The following CCDC90B variants were observed in gnomAD, a reference collection of about 807,000 sequenced individuals.
CCDC90B encodes the protein coiled-coil domain-containing protein 90B, mitochondrial.
In CCDC90B, 24 loss-of-function variants were observed where a neutral mutation model predicts 37.0. That is an observed-to-expected ratio of 0.65 (90% CI 0.47 to 0.91). CCDC90B has a LOEUF of 0.91. Among genes scored for constraint, CCDC90B ranks in the 40% least tolerant of loss-of-function variants. The pLI is 0.00. For missense variants in CCDC90B, 319 were observed against 299.0 expected, an observed-to-expected ratio of 1.07 and a Z score of -0.49; for synonymous variants, 113 against 101.1, an observed-to-expected ratio of 1.12 and a Z score of -0.71.
At chr11:83,279,675 C>A (rs1020949422) in intron 2 of CCDC90B, among the ~76,000 whole-genome samples, 1 of 152,062 alleles carries the variant, frequency 6.6e-6, no homozygotes, top group Non-Finnish European at 1.5e-5. Context: ...ATTAAATAGT[C>A]CTTCCTTTCC....
chr11:83,283,817 C>A (rs772280902), intron 1 of CCDC90B, among the ~76,000 whole-genome samples: 3 of 152,108 alleles, frequency 2.0e-5, no homozygotes, highest in Non-Finnish European at 2.9e-5. Flanking sequence ...CAAAAACTAG[C>A]TGGGCATGGT....
At position 83,265,905 on chromosome 11, in the gene CCDC90B, C is replaced by T. The variant is rs142252524; in HGVS notation, c.669G>A (p.Leu223=). 6.2e-7 allele frequency: 1 copy of T among 1,611,422 alleles called. No homozygotes were observed. Residue 223 remains leucine, a synonymous_variant, in exon 8 of 9, where the codon CTG becomes CTA. Transcript: ENST00000529689. ...IDAEIASLKT[L]MESNKLETIR... is the part of the protein sequence containing the mutation. ...TTGTCTCAAGTTTGTTAGATTCCAT[C>T]AGTGTTTTTAAGGAAGCAATTTCAG...
At chr11:83,271,936 T>C (rs1864700591) in intron 7 of CCDC90B, among the ~76,000 whole-genome samples, 2 of 152,118 alleles carry the variant, frequency 1.3e-5, no homozygotes, top group African/African-American at 2.4e-5. Context: ...TATGCAGCCA[T>C]AAAAAAGGAT....
chr11:83,271,283 TTAAAC>T (rs1864643647), intron 7 of CCDC90B, among the ~76,000 whole-genome samples: 1 of 152,142 alleles, frequency 6.6e-6, no homozygotes, highest in Non-Finnish European at 1.5e-5. Flanking sequence ...TGAGATCTAA[TTAAAC>T]TAAAGAGCTT....
At chr11:83,285,506 T>G (rs181892835) in intron 1 of CCDC90B, 1 of 1,127,732 alleles carries the variant, frequency 8.9e-7, no homozygotes, top group Non-Finnish European at 1.1e-6. Context: ...AAATCAAAAT[T>G]TGATCAGGCC....
chr11:83,277,756 A>T (rs1183267151), intron 3 of CCDC90B, among the ~76,000 whole-genome samples: 2 of 152,098 alleles, frequency 1.3e-5, no homozygotes, highest in Non-Finnish European at 2.9e-5. Flanking sequence ...TCAGCCTCCC[A>T]AAGTAATGGG....
Position 83,273,665 on chromosome 11 carries a change from A to G in CCDC90B, c.576T>C (p.Thr192=). 1 of 1,602,882 alleles carries G rather than the reference A, an allele frequency of 6.2e-7. No homozygotes were observed. Among genetic ancestry groups the G allele is most frequent in the Non-Finnish European group, 8.5e-7 (1 of 1,175,644 alleles). The change falls in exon 7 of 9, where the codon ACT becomes ACC. Residue 192 remains threonine, a synonymous_variant. Coordinates refer to ENST00000529689, the MANE Select transcript of CCDC90B (RefSeq NM_021825.5). ...ACTTTACCTTTTTTGTAAATTCTGT[A>G]GTTGTTTCCATAAGTTGCTTTTCTT... ...TDQEKQLMET[T]TEFTKKDTQT... is the part of the protein sequence containing the mutation.
At chr11:83,267,637 G>A (rs925639317) in intron 7 of CCDC90B, among the ~76,000 whole-genome samples, 1 of 152,210 alleles carries the variant, frequency 6.6e-6, no homozygotes, top group African/African-American at 2.4e-5. Context: ...ATCTACGTTT[G>A]ATTGGTGTAC....
Position 83,286,033 on chromosome 11 carries a change from C to T in CCDC90B, c.-61G>A. ...ACGGGGTAAATCTCGCACAGGCTTT[C>T]GGGCAAGGTAGTTCTGGCACCACAG... is the stretch of plus-strand genomic sequence containing the variant. On this transcript the variant is annotated 5_prime_UTR_variant, in exon 1 of 9. Transcript: ENST00000529689. 6.4e-7 allele frequency: 1 copy of T among 1,557,856 alleles called. No homozygotes were observed. The highest frequency in any genetic ancestry group is 8.7e-7 in the Non-Finnish European group (1 of 1,152,332).
rs1388698714 is a variant in CCDC90B at position 83,265,901 on chromosome 11, C to T, written c.673G>A (p.Glu225Lys). The T allele has an allele frequency of 6.2e-7, 1 of 1,610,378 alleles. No homozygotes were observed. The highest frequency in any genetic ancestry group is 8.5e-7 in the Non-Finnish European group (1 of 1,178,282). The change falls in exon 8 of 9, where the codon GAA (glutamate) becomes AAA (lysine). Residue 225 changes from glutamate to lysine, a missense_variant. Transcript: ENST00000529689. ...AEIASLKTLM[E>K]SNKLETIRYL... ...CGAATTGTCTCAAGTTTGTTAGATT[C>T]CATCAGTGTTTTTAAGGAAGCAATT...
chr11:83,268,885 G>A (rs1864463137), intron 7 of CCDC90B, among the ~76,000 whole-genome samples: 1 of 152,076 alleles, frequency 6.6e-6, no homozygotes, highest in Non-Finnish European at 1.5e-5. Context: ...CTCAGCAAAT[G>A]TAAAAGAACA....
At chr11:83,269,689 C>T (rs1192625287) in intron 7 of CCDC90B, among the ~76,000 whole-genome samples, 1 of 152,090 alleles carries the variant, frequency 6.6e-6, no homozygotes, top group East Asian at 1.9e-4. Context: ...AAAAAAAGTC[C>T]AGGACCAGAC....
intron 3 of CCDC90B, among the ~76,000 whole-genome samples, chr11:83,277,633 C>G (rs1231145764): frequency 6.6e-6 from 1 of 151,982 alleles, no homozygotes; most frequent in East Asian, 1.9e-4. Flanking sequence ...CAGGTGCCCA[C>G]CACCATGCCC....
Position 83,286,106 on chromosome 11 carries a change from G to A in CCDC90B, c.-134C>T. 6.5e-7 allele frequency: 1 copy of A among 1,536,694 alleles called. No homozygotes were observed. Among genetic ancestry groups the A allele is most frequent in the South Asian group, 1.2e-5 (1 of 84,064 alleles). On this transcript the variant is annotated 5_prime_UTR_variant, in exon 1 of 9. Transcript: ENST00000529689. Reference sequence around the variant, plus strand: ...CGCTCTGTCACAAGCTCACCTCCCAGCGCAGGCGCCACCGTGGTCCCACGA... The same window carrying A: ...CGCTCTGTCACAAGCTCACCTCCCAACGCAGGCGCCACCGTGGTCCCACGA...
chr11:83,282,348 C>A lies in CCDC90B; in HGVS notation c.101-2088G>T, dbSNP rs551174476. On this transcript the variant is annotated intron_variant, in intron 1 of 8. Transcript: ENST00000529689. The stretch of plus-strand genomic sequence containing the variant: ...CACTGTTTTTGCACCATGGTAAAGT[C>A]AAAAATTTTTAAGTTAAACTATCTT... 3.9e-5 allele frequency among the ~76,000 whole-genome samples: 6 copies of A among 152,268 alleles called. No homozygotes were observed. In the South Asian group the frequency reaches 1.2e-3, roughly 32 times the overall value.
intron 2 of CCDC90B, 79 bp from the exon 3 acceptor site, chr11:83,278,908 A>G (rs569675910): frequency 5.4e-6 from 4 of 735,920 alleles, no homozygotes; most frequent in African/African-American, 1.8e-5. Context: ...TAACTCCTCA[A>G]CATTTAAATT....
intron 8 of CCDC90B, among the ~76,000 whole-genome samples, chr11:83,265,509 T>G (rs1189100179): frequency 6.6e-6 from 1 of 152,200 alleles, no homozygotes; most frequent in Non-Finnish European, 1.5e-5. Context: ...CTTTTTCTAT[T>G]AGTCAGCTGC....
At chr11:83,281,381 C>G (rs890565440) in intron 1 of CCDC90B, among the ~76,000 whole-genome samples, 7 of 152,090 alleles carry the variant, frequency 4.6e-5, no homozygotes, top group Non-Finnish European at 5.9e-5. Flanking sequence ...AAATGATATT[C>G]TCACTGATTT....
chr11:83,276,570 G>A (rs1333636622), intron 3 of CCDC90B, among the ~76,000 whole-genome samples: 1 of 152,100 alleles, frequency 6.6e-6, no homozygotes, highest in African/African-American at 2.4e-5. Flanking sequence ...GGCTGGTCTC[G>A]AACTTCTGAC....
Sources: allele counts gnomAD v4.1 joint callset (sites outside exome capture counted in the v4.1 genomes callset), GRCh38; gene constraint gnomAD v4.1.1; transcripts MANE v1.5; gene names NCBI Gene and HGNC (gene_info 2026-07-23, HGNC 2026-07-21).